NCAM2: variants seen among roughly 807,000 people sequenced by gnomAD.
NCAM2 encodes N-CAM-2.
A neutral mutation model predicts 98.1 loss-of-function variants in NCAM2; 30 were observed. The ratio of observed to expected loss-of-function variants is 0.31; its 90% CI spans 0.23 to 0.41. NCAM2 has a LOEUF of 0.41. Among genes scored for constraint, NCAM2 ranks in the 10% least tolerant of loss-of-function variants. The probability of loss-of-function intolerance (pLI) is 1.00; values close to 1 mark genes in which losing one functional copy is unlikely to be tolerated. For missense variants in NCAM2, 867 were observed against 1,005.8 expected, an observed-to-expected ratio of 0.86 and a Z score of 1.87; for synonymous variants, 368 against 342.4, an observed-to-expected ratio of 1.07 and a Z score of -0.83.
intron 1 of NCAM2, among the ~76,000 whole-genome samples, chr21:21,134,591 C>A (rs2067003659): frequency 6.6e-6 from 1 of 152,158 alleles, no homozygotes; most frequent in South Asian, 2.1e-4. Flanking sequence ...CTATCATTTT[C>A]ATTAAAACTT....
rs546262179 is a variant in NCAM2, at chr21:21,355,318, C to G, written c.1044+16784C>G. On this transcript the variant is annotated intron_variant, in intron 8 of 17. Coordinates refer to ENST00000400546, the MANE Select transcript of NCAM2 (RefSeq NM_004540.5). Reference sequence around the variant, plus strand: ...AGCCTGGTGGTGTGCACCTGTAGTTCCAGCTACTCGGGACGGGGCCGGGAA... The same window carrying G: ...AGCCTGGTGGTGTGCACCTGTAGTTGCAGCTACTCGGGACGGGGCCGGGAA... Among the ~76,000 whole-genome samples, 11 of 151,222 alleles carry G rather than the reference C, an allele frequency of 7.3e-5. No homozygotes were observed. In the East Asian group the frequency reaches 2.2e-3, roughly 30 times the overall value.
intron 1 of NCAM2, among the ~76,000 whole-genome samples, chr21:21,018,283 A>G (rs1349531500): frequency 6.6e-6 from 1 of 152,228 alleles, no homozygotes; most frequent in Non-Finnish European, 1.5e-5. Flanking sequence ...CCATCAAAAC[A>G]TAGTCAGTGA....
chr21:21,120,434 GGTGA>G (rs1432790753), intron 1 of NCAM2, among the ~76,000 whole-genome samples: 3 of 152,072 alleles, frequency 2.0e-5, no homozygotes, highest in African/African-American at 7.2e-5. Flanking sequence ...TGGCACTGTA[GGTGA>G]GTTAGTGTAT....
chr21:21,396,994 C>T (rs557195318), intron 9 of NCAM2, among the ~76,000 whole-genome samples: 19 of 152,126 alleles, frequency 1.2e-4, no homozygotes, highest in African/African-American at 3.6e-4. Context: ...TGTCTCATGT[C>T]CAAGAAGAAT....
chr21:21,124,357 T>A (rs1263159807), intron 1 of NCAM2, among the ~76,000 whole-genome samples: 3 of 152,192 alleles, frequency 2.0e-5, no homozygotes, highest in Non-Finnish European at 4.4e-5. Flanking sequence ...ATTGCAATGA[T>A]CACACAACTT....
chr21:21,407,712 AAGATAT>A (rs1268734648), intron 9 of NCAM2, among the ~76,000 whole-genome samples: 5 of 152,220 alleles, frequency 3.3e-5, no homozygotes, highest in African/African-American at 1.2e-4. Flanking sequence ...AATAAATTTA[AAGATAT>A]AGATATAGAC....
intron 1 of NCAM2, among the ~76,000 whole-genome samples, chr21:21,134,937 T>G (rs1018454821): frequency 1.3e-5 from 2 of 151,988 alleles, no homozygotes; most frequent in Admixed American, 6.6e-5. Flanking sequence ...CCAGACTGGT[T>G]TAAAACTTCT....
intron 9 of NCAM2, among the ~76,000 whole-genome samples, chr21:21,376,159 C>T (rs963427125): frequency 1.3e-5 from 2 of 151,778 alleles, no homozygotes; most frequent in African/African-American, 4.8e-5. Context: ...TATTTATACT[C>T]AAGCATTTAA....
intron 6 of NCAM2, among the ~76,000 whole-genome samples, chr21:21,331,515 C>CA (rs2074686738): frequency 6.3e-4 from 3 of 4,796 alleles, no homozygotes; most frequent in Admixed American, 4.4e-3. Flanking sequence ...TACTCTCTCT[C>CA]TCTATATATA....
intron 10 of NCAM2, among the ~76,000 whole-genome samples, chr21:21,411,048 GTGTGTGTATATATATA>G (rs2076853040): frequency 4.2e-5 from 1 of 23,762 alleles, no homozygotes; most frequent in Non-Finnish European, 7.5e-5. Flanking sequence ...ATATATATAT[GTGTGTGTATATATATA>G]TATATACACA....
intron 1 of NCAM2, among the ~76,000 whole-genome samples, chr21:21,071,976 G>A (rs761935434): frequency 2.6e-5 from 4 of 151,834 alleles, no homozygotes; most frequent in East Asian, 1.9e-4. Flanking sequence ...GCAGTGGCGC[G>A]ATCTCGGCTC....
At chr21:21,382,144 A>G (rs955409509) in intron 9 of NCAM2, among the ~76,000 whole-genome samples, 1 of 151,990 alleles carries the variant, frequency 6.6e-6, no homozygotes, top group African/African-American at 2.4e-5. Context: ...TTATTTATCA[A>G]TTTGATTAGG....
intron 1 of NCAM2, among the ~76,000 whole-genome samples, chr21:21,186,508 G>T (rs2068645116): frequency 6.6e-6 from 1 of 152,086 alleles, no homozygotes; most frequent in African/African-American, 2.4e-5. Flanking sequence ...TAATGGATAA[G>T]AAACAGTTTA....
At chr21:21,464,547 T>C (rs1420436474) in intron 12 of NCAM2, among the ~76,000 whole-genome samples, 1 of 152,052 alleles carries the variant, frequency 6.6e-6, no homozygotes, top group Non-Finnish European at 1.5e-5. Context: ...AACAAAATGC[T>C]AAATAAATGC....
At chr21:21,102,010 C>A (rs952712468) in intron 1 of NCAM2, among the ~76,000 whole-genome samples, 4 of 151,982 alleles carry the variant, frequency 2.6e-5, no homozygotes, top group African/African-American at 7.2e-5. Flanking sequence ...GCTTGTGTCA[C>A]CTCTTGTCTG....
At chr21:21,272,469 G>GA (rs1464214902) in intron 1 of NCAM2, among the ~76,000 whole-genome samples, 10 of 149,620 alleles carry the variant, frequency 6.7e-5, no homozygotes, top group Admixed American at 1.4e-4. Context: ...ACATATACCA[G>GA]AAAAAAACAC....
At chr21:21,268,551 A>G (rs1401000342) in intron 1 of NCAM2, among the ~76,000 whole-genome samples, 1 of 152,144 alleles carries the variant, frequency 6.6e-6, no homozygotes, top group African/African-American at 2.4e-5. Context: ...GCCCCAGAAA[A>G]TTGTGAGCTC....
chr21:21,269,250 C>T (rs145883548), intron 1 of NCAM2, among the ~76,000 whole-genome samples: 3 of 152,076 alleles, frequency 2.0e-5, no homozygotes, highest in Admixed American at 1.3e-4. Context: ...AGAGCTCCTG[C>T]AACTGATTGG....
At chr21:21,067,286 G>A (rs1773316216) in intron 1 of NCAM2, among the ~76,000 whole-genome samples, 1 of 151,852 alleles carries the variant, frequency 6.6e-6, no homozygotes, top group Non-Finnish European at 1.5e-5. Flanking sequence ...CTCTTTTCTA[G>A]AAAAAATAAA....
Sources: allele counts gnomAD v4.1 joint callset (sites outside exome capture counted in the v4.1 genomes callset), GRCh38; gene constraint gnomAD v4.1.1; transcripts MANE v1.5; gene names NCBI Gene and HGNC (gene_info 2026-07-23, HGNC 2026-07-21).